CFAP46: variants seen among roughly 807,000 people sequenced by gnomAD.
CFAP46 encodes cilia and flagella associated protein 46, also known as cilia- and flagella-associated protein 46.
CFAP46 carries 245 observed loss-of-function variants against 325.7 expected under a neutral mutation model. The observed-to-expected ratio is 0.75, with a 90% confidence interval of 0.68 to 0.84. The LOEUF is 0.84. CFAP46 is among the 40% of genes least tolerant of loss of function. The pLI, the probability that CFAP46 is intolerant of heterozygous loss-of-function variation, is 0.00. For synonymous variants in CFAP46, 1,523 were observed against 1,495.9 expected (o/e 1.02, Z -0.42); for missense variants, 3,346 against 3,543.0 (o/e 0.94, Z 1.41).
intron 8 of CFAP46, among the ~76,000 whole-genome samples, chr10:132,932,378 G>GCAGAGGCTGGGCCTTCCTCCTCCACACA (rs1849925076): frequency 2.2e-5 from 2 of 92,644 alleles, no homozygotes; most frequent in Non-Finnish European, 4.1e-5. Context: ...TCCTCCCCAC[G>GCAGAGGCTGGGCCTTCCTCCTCCACACA]CAGAGGCTGG....
rs1053174748 is a variant in CFAP46 at position 132,826,020 on chromosome 10, A to G, written c.7117+7338T>C. 1.9e-4 allele frequency among the ~76,000 whole-genome samples: 28 copies of G among 147,558 alleles called. No homozygotes were observed. In the Middle Eastern group the frequency reaches 0.011, roughly 58 times the overall value. On this transcript the variant is annotated intron_variant, in intron 50 of 57. Coordinates refer to ENST00000368586, the MANE Select transcript of CFAP46 (RefSeq NM_001200049.3). Reference sequence around the variant, plus strand: ...ACAGAGACCAGCCACGGAGCCAGGCAGGAGCCGGAGCCATGGAGCCAGGCA... The same window carrying G: ...ACAGAGACCAGCCACGGAGCCAGGCGGGAGCCGGAGCCATGGAGCCAGGCA...
chr10:132,844,783 G>A (rs1481351984), intron 44 of CFAP46, among the ~76,000 whole-genome samples: 1 of 152,194 alleles, frequency 6.6e-6, no homozygotes, highest in Non-Finnish European at 1.5e-5. Context: ...CTCACCCACA[G>A]CAGGTGCTCT....
chr10:132,923,567 CT>C (rs1209156874), intron 11 of CFAP46, among the ~76,000 whole-genome samples: 1 of 152,042 alleles, frequency 6.6e-6, no homozygotes, highest in Non-Finnish European at 1.5e-5. Flanking sequence ...CCTGGAACCC[CT>C]GGCCTCACGC....
chr10:132,812,762 G>T (rs1174387622), intron 55 of CFAP46, 23 bp downstream of exon 55: 2 of 1,548,486 alleles, frequency 1.3e-6, no homozygotes, highest in Middle Eastern at 1.7e-4. Context: ...CGGGGGAGGG[G>T]GTGCTGAGAG....
At chr10:132,819,123 T>A (rs1847750677) in intron 50 of CFAP46, among the ~76,000 whole-genome samples, 1 of 152,126 alleles carries the variant, frequency 6.6e-6, no homozygotes, top group Non-Finnish European at 1.5e-5. Context: ...ACTATCTAAT[T>A]AAGAAATTAA....
chr10:132,891,218 T>C (rs773240038), intron 25 of CFAP46, among the ~76,000 whole-genome samples: 10 of 152,208 alleles, frequency 6.6e-5, no homozygotes, highest in East Asian at 1.9e-4. Flanking sequence ...ACAAGGTTCA[T>C]GTAAACCAAA....
At chr10:132,930,782 C>G (rs1316166766) in intron 8 of CFAP46, among the ~76,000 whole-genome samples, 3 of 90,328 alleles carry the variant, frequency 3.3e-5, no homozygotes, top group Non-Finnish European at 2.2e-5. Context: ...CCCACACTCC[C>G]CACACAGAGC....
chr10:132,922,003 G>T, intron 13 of CFAP46, 101 bp downstream of exon 13: 1 of 1,378,632 alleles, frequency 7.3e-7, no homozygotes. Context: ...CATCCAGGGG[G>T]CGGTGGCAGG....
At chr10:132,928,473 G>A (rs549585338) in intron 9 of CFAP46, among the ~76,000 whole-genome samples, 1 of 152,316 alleles carries the variant, frequency 6.6e-6, no homozygotes, top group African/African-American at 2.4e-5. Flanking sequence ...CCCTCCAAGG[G>A]CTGCCTGGCT....
chr10:132,913,491 A>G (rs907639028), intron 17 of CFAP46, among the ~76,000 whole-genome samples: 8 of 152,136 alleles, frequency 5.3e-5, no homozygotes, highest in African/African-American at 1.9e-4. Context: ...AGGAGCGCGA[A>G]CCCTATTGCG....
At chr10:132,916,803 C>A in intron 16 of CFAP46, 121 bp from the exon 17 acceptor site, 4 of 1,354,274 alleles carry the variant, frequency 3.0e-6, no homozygotes, top group Admixed American at 3.4e-5. Flanking sequence ...GGCTGTGAGA[C>A]CCGTTTGCTG....
intron 9 of CFAP46, among the ~76,000 whole-genome samples, chr10:132,928,082 CCCTA>C (rs1849838348): frequency 6.6e-6 from 1 of 152,192 alleles, no homozygotes; most frequent in African/African-American, 2.4e-5. Flanking sequence ...ACAGGAGCCT[CCCTA>C]ACAGCGACCC....
At chr10:132,862,293 G>A (rs544511680) in intron 35 of CFAP46, among the ~76,000 whole-genome samples, 3 of 152,312 alleles carry the variant, frequency 2.0e-5, no homozygotes, top group East Asian at 1.9e-4. Context: ...GGGCCCCTGC[G>A]GGGCTTGTTG....
At position 132,827,415 on chromosome 10, in the gene CFAP46, T is replaced by C. The variant is rs143707614; in HGVS notation, c.7117+5943A>G. On this transcript the variant is annotated intron_variant, in intron 50 of 57. Coordinates refer to ENST00000368586, the MANE Select transcript of CFAP46 (RefSeq NM_001200049.3). This position sits in a 1 kb window ranked among gnomAD's most constrained non-coding sequence, Gnocchi z 5.7. ...CAGGGCCCTCTGTCCTTGGACCTCC[T>C]CCTTCAAGGATCCACTTCGCACATG... 7.2e-3 allele frequency among the ~76,000 whole-genome samples: 1,103 copies of C among 152,188 alleles called. 16 individuals carry two copies. Among genetic ancestry groups the C allele is most frequent in the African/African-American group, 0.024 (987 of 41,510 alleles).
Position 132,852,555 on chromosome 10 carries a change from G to A in CFAP46, c.5575-1250C>T, listed in dbSNP as rs142825406. The stretch of plus-strand genomic sequence containing the variant: ...CATTCTCAGATCCTGACCCACAGAC[G>A]TGGTATGTTTCTCTATTTACTTAGC... On this transcript the variant is annotated intron_variant, in intron 39 of 57. Coordinates refer to ENST00000368586, the MANE Select transcript of CFAP46 (RefSeq NM_001200049.3). Among the ~76,000 whole-genome samples the A allele has an allele frequency of 9.4e-3, 1,423 of 152,076 alleles. 12 individuals carry two copies. The highest frequency in any genetic ancestry group is 0.043 in the South Asian group (208 of 4,816).
At position 132,876,204 on chromosome 10, in the gene CFAP46, A is replaced by T. The variant is rs1564786867; in HGVS notation, c.4362+608T>A. On this transcript the variant is annotated intron_variant, in intron 31 of 57. Transcript: ENST00000368586. The surrounding 1 kb of genome is among the most constrained non-coding windows in gnomAD (Gnocchi z 4.1). Reference sequence around the variant, plus strand: ...ATTGAGGGGAGTGGCATCAGCAGGGATCTGCGCAGGGCCACTCTACCCACA... The same window carrying T: ...ATTGAGGGGAGTGGCATCAGCAGGGTTCTGCGCAGGGCCACTCTACCCACA... Among the ~76,000 whole-genome samples the T allele has an allele frequency of 6.6e-6, 1 of 152,220 alleles. No individual in the cohort carries two copies. The highest frequency in any genetic ancestry group is 2.4e-5 in the African/African-American group (1 of 41,456).
intron 10 of CFAP46, 117 bp from the exon 11 acceptor site, chr10:132,925,003 G>T: frequency 1.3e-6 from 1 of 789,692 alleles, no homozygotes; most frequent in Non-Finnish European, 1.8e-6. Flanking sequence ...CACCCTGCGT[G>T]GCGTCATGCT....
intron 32 of CFAP46, among the ~76,000 whole-genome samples, chr10:132,870,299 A>G (rs1025917676): frequency 6.6e-6 from 1 of 152,102 alleles, no homozygotes; most frequent in Non-Finnish European, 1.5e-5. Flanking sequence ...AAATTTTGAA[A>G]TTAGGCCAGT....
At chr10:132,921,278 C>T (rs972766794) in intron 13 of CFAP46, among the ~76,000 whole-genome samples, 5 of 152,176 alleles carry the variant, frequency 3.3e-5, no homozygotes, top group East Asian at 1.9e-4. Context: ...AGGGGACCAG[C>T]GGGAAGGGCT....
Sources: gnomAD v4.1 joint callset for allele counts (sites outside exome capture counted in the v4.1 genomes callset) on GRCh38, gnomAD v4.1.1 for gene constraint, Gnocchi (gnomAD v3.1) non-coding constraint, MANE v1.5 for transcripts, NCBI Gene and HGNC (gene_info 2026-07-23, HGNC 2026-07-21) for gene names.